Variants in HIVEP1 observed in about 807,000 individuals in gnomAD.
HIVEP1 encodes HIVEP zinc finger 1, also known as zinc finger protein 40.
HIVEP1 carries 36 observed loss-of-function variants against 180.0 expected under a neutral mutation model. The observed-to-expected ratio is 0.20, with a 90% CI of 0.15 to 0.26. HIVEP1 has a LOEUF of 0.26. Ranked by LOEUF, HIVEP1 falls within the 10% of genes least tolerant of loss-of-function variation. HIVEP1 has a pLI of 1.00. For synonymous variants in HIVEP1, 1,239 were observed against 1,239.0 expected (o/e 1.00, Z 0.00); for missense variants, 3,143 against 3,268.7 (o/e 0.96, Z 0.94).
downstream of HIVEP1, among the ~76,000 whole-genome samples, chr6:12,167,999 ATT>A (rs1491484110): frequency 3.2e-5 from 4 of 124,370 alleles, 1 homozygote; most frequent in Non-Finnish European, 6.5e-5. Flanking sequence ...ATATGTATAT[ATT>A]ATATATACAT....
intron 3 of HIVEP1, among the ~76,000 whole-genome samples, chr6:12,093,059 C>T (rs998006982): frequency 6.6e-6 from 1 of 152,120 alleles, no homozygotes; most frequent in Non-Finnish European, 1.5e-5. Context: ...ACAAAAAATA[C>T]TCTAAATTAG....
chr6:12,013,955 A>G (rs1015367878), intron 1 of HIVEP1, among the ~76,000 whole-genome samples: 2 of 152,244 alleles, frequency 1.3e-5, no homozygotes, highest in Non-Finnish European at 2.9e-5. Context: ...CTTTGCTGTA[A>G]TGAAACCATA....
At chr6:12,045,407 T>G (rs1770059995) in intron 2 of HIVEP1, among the ~76,000 whole-genome samples, 1 of 152,200 alleles carries the variant, frequency 6.6e-6, no homozygotes, top group Non-Finnish European at 1.5e-5. Flanking sequence ...CCAGGGCAGA[T>G]GTATTTGTTT....
chr6:12,120,765 C>G lies in HIVEP1; in HGVS notation c.970C>G (p.Gln324Glu). 2 of 1,614,198 alleles carry G rather than the reference C, an allele frequency of 1.2e-6. No individual in the cohort carries two copies. Among genetic ancestry groups the G allele is most frequent in the Non-Finnish European group, 8.5e-7 (1 of 1,180,040 alleles). ...AAATCAAGAGAATGCCAAACTTGAA[C>G]AGGTTTATAATATAGCAGTGACATC... Reference protein sequence around the residue: ...LQNQENAKLEQVYNIAVTSSV... With the variant: ...LQNQENAKLEEVYNIAVTSSV... The change falls in exon 4 of 9, where the codon CAG becomes GAG. Residue 324 changes from glutamine (Q) to glutamate (E), a missense_variant. Physicochemically the swap from Gln to Glu is conservative, Grantham distance 29. Transcript: ENST00000379388.
intron 7 of HIVEP1, among the ~76,000 whole-genome samples, chr6:12,158,838 G>A (rs1760221120): frequency 6.6e-6 from 1 of 152,132 alleles, no homozygotes; most frequent in Admixed American, 6.5e-5. Context: ...GGTGGAGACA[G>A]GGGAGATGGA....
intron 2 of HIVEP1, among the ~76,000 whole-genome samples, chr6:12,059,832 C>T (rs1176611628): frequency 6.6e-6 from 1 of 152,172 alleles, no homozygotes; most frequent in Non-Finnish European, 1.5e-5. Flanking sequence ...TGTCCCTAAA[C>T]TGTAGGGTAC....
chr6:12,129,678 C>T lies in HIVEP1; in HGVS notation c.6076-81C>T, dbSNP rs1758308944. 3 of 1,142,596 alleles carry T rather than the reference C, an allele frequency of 2.6e-6. No homozygotes were observed. In the Admixed American group the frequency reaches 5.4e-5, roughly 21 times the overall value. The allele number at this position is 1,142,596 out of a possible 1,614,324, so 70.8% of individuals were successfully genotyped here. A position where few individuals can be genotyped will look rare whatever the true frequency, so the allele number is the denominator to read the frequency against. On this transcript the variant is annotated intron_variant, in intron 4 of 8. Transcript: ENST00000379388. ...GTTGACCATATGCTCTGTACTCTGC[C>T]ATGTTTTAATTTCCAGTGAAAGATT...
chr6:12,191,019 G>T, the HIVEP1 span, among the ~76,000 whole-genome samples: 2 of 152,010 alleles, frequency 1.3e-5, no homozygotes, highest in East Asian at 3.9e-4. Context: ...GCTGGCATAT[G>T]CATATTTCTT....
the HIVEP1 span, among the ~76,000 whole-genome samples, chr6:12,198,952 G>A: frequency 6.6e-6 from 1 of 152,202 alleles, no homozygotes; most frequent in Non-Finnish European, 1.5e-5. Flanking sequence ...CAATTAAGAA[G>A]CTCTCGTGTT....
At chr6:12,173,836 C>T in the HIVEP1 span, among the ~76,000 whole-genome samples, 81 of 152,248 alleles carry the variant, frequency 5.3e-4, 1 homozygote, top group South Asian at 0.016. Flanking sequence ...TGAAAGACAT[C>T]AGGGCTTTAC....
chr6:12,160,146 A>C (rs1253023758), intron 7 of HIVEP1, among the ~76,000 whole-genome samples: 2 of 152,138 alleles, frequency 1.3e-5, no homozygotes, highest in Non-Finnish European at 2.9e-5. Context: ...CCCATAACTA[A>C]ATTTTATTAA....
intron 7 of HIVEP1, among the ~76,000 whole-genome samples, chr6:12,142,214 C>T (rs2113615858): frequency 6.6e-6 from 1 of 152,026 alleles, no homozygotes; most frequent in Non-Finnish European, 1.5e-5. Flanking sequence ...CCAATTAGAA[C>T]TCAGGATTAA....
chr6:12,125,526 G>A lies in HIVEP1; in HGVS notation c.5731G>A (p.Glu1911Lys), dbSNP rs201106895. The change falls in exon 4 of 9, where the codon GAG (glutamate) becomes AAG (lysine). Residue 1911 changes from glutamate (E) to lysine (K), a missense_variant. Transcript: ENST00000379388. ...KNQGDKVNIQ[E>K]QSQQPVTSLS... ...TCAAGGTGACAAAGTGAACATCCAA[G>A]AGCAAAGTCAACAGCCAGTCACTTC... The A allele has an allele frequency of 9.3e-6, 15 of 1,614,142 alleles. No homozygotes were observed. In the African/African-American group the frequency reaches 1.9e-4, roughly 20 times the overall value.
chr6:12,037,428 T>TA (rs1769353362), intron 2 of HIVEP1, among the ~76,000 whole-genome samples: 1 of 152,234 alleles, frequency 6.6e-6, no homozygotes, highest in Admixed American at 6.5e-5. Flanking sequence ...ATGATTTTCC[T>TA]GAGACCGTTT....
At position 12,149,791 on chromosome 6, in the gene HIVEP1, A is replaced by G. The variant is rs142300554; in HGVS notation, c.6488-11648A>G. ...CCACACCATACCCAGGTTATCATTC[A>G]CCATCATATTGTGCCTGGTCCCTGG... On this transcript the variant is annotated intron_variant, in intron 7 of 8. Transcript: ENST00000379388. Among the ~76,000 whole-genome samples, 7 of 152,270 alleles carry G rather than the reference A, an allele frequency of 4.6e-5. No homozygotes were observed. The East Asian group carries it at 1.2e-3, about 25-fold the overall frequency.
At chr6:12,119,450 A>G (rs1462052284) in intron 3 of HIVEP1, among the ~76,000 whole-genome samples, 1 of 152,230 alleles carries the variant, frequency 6.6e-6, no homozygotes, top group African/African-American at 2.4e-5. Context: ...CAACCAGTCA[A>G]CCAGTTTTGT....
At chr6:12,021,361 T>C (rs890287347) in intron 2 of HIVEP1, among the ~76,000 whole-genome samples, 76 of 152,210 alleles carry the variant, frequency 5.0e-4, no homozygotes, top group African/African-American at 1.8e-3. Flanking sequence ...TGCTTGGTTG[T>C]CTTTCTGGAA....
chr6:12,205,419 C>T, the HIVEP1 span, among the ~76,000 whole-genome samples: 5 of 151,504 alleles, frequency 3.3e-5, no homozygotes, highest in Middle Eastern at 3.4e-3. Context: ...TGCAGTGAGC[C>T]GAGATTGCGC....
rs148297245 is a variant in HIVEP1 at position 12,094,747 on chromosome 6, T to C, written c.94+5510T>C. On this transcript the variant is annotated intron_variant, in intron 3 of 8. Coordinates refer to ENST00000379388, the MANE Select transcript of HIVEP1 (RefSeq NM_002114.4). The stretch of plus-strand genomic sequence containing the variant: ...AAGGCATTGGTTTATATTTTTATTA[T>C]GTTTTATAATTTTCTGTGCCTGATT... Among the ~76,000 whole-genome samples, 653 of 152,156 alleles carry C rather than the reference T, an allele frequency of 4.3e-3. 3 individuals carry two copies. Among genetic ancestry groups the C allele is most frequent in the Non-Finnish European group, 7.7e-3 (525 of 67,900 alleles).
Sources: allele counts gnomAD v4.1 joint callset (sites outside exome capture counted in the v4.1 genomes callset), GRCh38; gene constraint gnomAD v4.1.1; transcripts MANE v1.5; gene names NCBI Gene and HGNC (gene_info 2026-07-23, HGNC 2026-07-21).